The following KIAA1217 variants were observed in gnomAD, a reference collection of about 807,000 sequenced individuals.
KIAA1217 encodes the protein KIAA1217.
Under a neutral mutation model 163.9 loss-of-function variants are expected in KIAA1217, and 88 were observed. The observed-to-expected ratio is 0.54, with a 90% CI of 0.45 to 0.64. The LOEUF (loss-of-function observed/expected upper bound fraction) is 0.64, where lower values mean the gene tolerates loss of function less well. KIAA1217 is among the 30% of genes least tolerant of loss of function. KIAA1217 has a pLI of 0.00. For synonymous variants in KIAA1217, 903 were observed against 923.1 expected (o/e 0.98, Z 0.39); for missense variants, 2,372 against 2,475.0 (o/e 0.96, Z 0.88).
At chr10:23,976,572 T>C (rs1564580143) in intron 1 of KIAA1217, among the ~76,000 whole-genome samples, 2 of 152,174 alleles carry the variant, frequency 1.3e-5, no homozygotes, top group East Asian at 1.9e-4. Context: ...CCAGTACAGA[T>C]TTAATATGTA....
chr10:24,210,294 C>G (rs2067904179), intron 1 of KIAA1217, among the ~76,000 whole-genome samples: 1 of 152,082 alleles, frequency 6.6e-6, no homozygotes, highest in African/African-American at 2.4e-5. Context: ...TAGAAATCCC[C>G]CAGTGAAATG....
At chr10:24,274,906 T>A (rs1050562969) in intron 2 of KIAA1217, among the ~76,000 whole-genome samples, 3 of 152,152 alleles carry the variant, frequency 2.0e-5, no homozygotes, top group Non-Finnish European at 2.9e-5. Context: ...TCATTTTATT[T>A]CTTATTTTTA....
chr10:24,477,860 T>C (rs2064214845), intron 6 of KIAA1217, among the ~76,000 whole-genome samples: 1 of 152,206 alleles, frequency 6.6e-6, no homozygotes, highest in African/African-American at 2.4e-5. Context: ...GTCTCATCTA[T>C]ACCATGATGT....
intron 1 of KIAA1217, among the ~76,000 whole-genome samples, chr10:23,796,085 A>G (rs1398817028): frequency 6.6e-6 from 1 of 152,102 alleles, no homozygotes; most frequent in African/African-American, 2.4e-5. Flanking sequence ...CAATCTTTGT[A>G]GTTTCCTAAA....
intron 1 of KIAA1217, among the ~76,000 whole-genome samples, chr10:23,822,909 A>G (rs1837692840): frequency 6.6e-6 from 1 of 152,328 alleles, no homozygotes; most frequent in African/African-American, 2.4e-5. Flanking sequence ...CACATATACC[A>G]TATGTCTAAA....
intron 4 of KIAA1217, among the ~76,000 whole-genome samples, chr10:24,435,594 A>C (rs1417213660): frequency 1.3e-5 from 2 of 152,214 alleles, no homozygotes; most frequent in Non-Finnish European, 2.9e-5. Context: ...CAGCCTGTGC[A>C]AGGATTTTTA....
At chr10:24,013,121 AT>A (rs1847313047) in intron 2 of KIAA1217, among the ~76,000 whole-genome samples, 1 of 152,008 alleles carries the variant, frequency 6.6e-6, no homozygotes, top group Non-Finnish European at 1.5e-5. Flanking sequence ...ATTTTTTTGC[AT>A]TTTTATGCCT....
intron 5 of KIAA1217, among the ~76,000 whole-genome samples, chr10:24,454,570 C>T (rs2061624230): frequency 6.6e-6 from 1 of 152,170 alleles, no homozygotes; most frequent in Non-Finnish European, 1.5e-5. Context: ...CTGTAGGGTG[C>T]TTAAACTTCC....
chr10:23,998,084 C>T (rs1346881066), intron 1 of KIAA1217, among the ~76,000 whole-genome samples: 1 of 151,854 alleles, frequency 6.6e-6, no homozygotes, highest in Admixed American at 6.6e-5. Flanking sequence ...CAATTTTACC[C>T]TCCGTTTGGC....
At chr10:24,143,348 C>A (rs930498165) in intron 2 of KIAA1217, among the ~76,000 whole-genome samples, 8 of 152,160 alleles carry the variant, frequency 5.3e-5, no homozygotes, top group Admixed American at 2.0e-4. Flanking sequence ...CTCACTGTAA[C>A]CTCTGCCTCC....
intron 1 of KIAA1217, among the ~76,000 whole-genome samples, chr10:23,809,868 G>A (rs1475587961): frequency 2.0e-5 from 3 of 151,944 alleles, no homozygotes; most frequent in African/African-American, 7.2e-5. Context: ...ACAGTTCTTT[G>A]ACTTATGACT....
intron 2 of KIAA1217, among the ~76,000 whole-genome samples, chr10:24,338,803 G>GATT (rs1011341643): frequency 1.3e-4 from 20 of 152,012 alleles, no homozygotes; most frequent in African/African-American, 4.6e-4. Context: ...AGACAGAATT[G>GATT]ATTATTATTA....
chr10:24,376,783 C>T lies in KIAA1217; in HGVS notation c.355-4086C>T, dbSNP rs114903409. Among the ~76,000 whole-genome samples, 804 of 152,184 alleles carry T rather than the reference C, an allele frequency of 5.3e-3. 4 individuals carry two copies. The highest frequency in any genetic ancestry group is 0.018 in the African/African-American group (756 of 41,498). ...ACTGAATGAATGAATGAATGAATGA[C>T]CAACCAACCAATCTTACCACTGGTG... is the stretch of plus-strand genomic sequence containing the variant. On this transcript the variant is annotated intron_variant, in intron 2 of 20. Coordinates refer to ENST00000376454, the MANE Select transcript of KIAA1217 (RefSeq NM_019590.5).
At chr10:24,057,567 C>T (rs1215978330) in intron 2 of KIAA1217, among the ~76,000 whole-genome samples, 1 of 152,100 alleles carries the variant, frequency 6.6e-6, no homozygotes, top group Admixed American at 6.5e-5. Context: ...GCATAATGTC[C>T]TCAAGTTTCA....
intron 2 of KIAA1217, among the ~76,000 whole-genome samples, chr10:24,288,236 G>C (rs565379544): frequency 6.6e-6 from 1 of 152,238 alleles, no homozygotes; most frequent in East Asian, 1.9e-4. Context: ...TTTTCTTCCT[G>C]TGTATTATTT....
At chr10:24,150,647 TATAG>T (rs1235391030) in intron 2 of KIAA1217, among the ~76,000 whole-genome samples, 1 of 152,198 alleles carries the variant, frequency 6.6e-6, no homozygotes, top group Non-Finnish European at 1.5e-5. Context: ...GGTAGGAGTT[TATAG>T]ATAATCAACT....
At position 24,275,555 on chromosome 10, in the gene KIAA1217, A is replaced by C. The variant is rs2077190909; in HGVS notation, c.354+55646A>C. On this transcript the variant is annotated intron_variant, in intron 2 of 20. Coordinates refer to ENST00000376454, the MANE Select transcript of KIAA1217 (RefSeq NM_019590.5). ...TTGGGAGTATTAATTTGAGGGTCAC[A>C]AACAGATTTTAGGTGATGGGCATAT... 6.9e-6 allele frequency: 3 copies of C among 433,380 alleles called. No homozygotes were observed. In the Admixed American group the frequency reaches 7.7e-5, roughly 11 times the overall value. 26.8% of individuals were successfully genotyped at this position (433,380 alleles called of 1,614,324 possible).
At chr10:24,170,707 A>C (rs1410165858) in intron 2 of KIAA1217, among the ~76,000 whole-genome samples, 1 of 152,250 alleles carries the variant, frequency 6.6e-6, no homozygotes, top group Non-Finnish European at 1.5e-5. Flanking sequence ...AGTTGCTGCC[A>C]TTCATTTCTA....
intron 2 of KIAA1217, among the ~76,000 whole-genome samples, chr10:24,069,855 T>G (rs989728795): frequency 1.3e-5 from 2 of 152,218 alleles, no homozygotes; most frequent in Non-Finnish European, 2.9e-5. Context: ...TTTCTCTTTT[T>G]GCAAGACAGA....
Sources: allele counts gnomAD v4.1 joint callset (sites outside exome capture counted in the v4.1 genomes callset), GRCh38; gene constraint gnomAD v4.1.1; transcripts MANE v1.5; gene names NCBI Gene and HGNC (gene_info 2026-07-23, HGNC 2026-07-21).